SLX9: variants seen among roughly 807,000 people sequenced by gnomAD.
SLX9 encodes ribosome biogenesis protein SLX9 homolog.
A neutral mutation model predicts 20.8 loss-of-function variants in SLX9; 19 were observed. The ratio of observed to expected loss-of-function variants is 0.91; its 90% CI spans 0.64 to 1.34. SLX9 has a LOEUF of 1.34. Ranked by LOEUF, SLX9 falls within the 40% of genes most tolerant of loss-of-function variation. SLX9 has a pLI of 0.00. For missense variants in SLX9, 299 were observed against 322.2 expected (o/e 0.93, Z 0.55); for synonymous variants, 113 against 137.1 (o/e 0.82, Z 1.23).
intron 2 of SLX9, 41 bp from the exon 3 acceptor site, chr21:44,960,059 C>T (rs1170106081): frequency 1.3e-6 from 2 of 1,592,656 alleles, no homozygotes; most frequent in African/African-American, 1.3e-5. Context: ...GGGAGTGCCA[C>T]CTGGACACGT....
At chr21:44,953,642 A>G (rs2084801960) in intron 2 of SLX9, among the ~76,000 whole-genome samples, 1 of 152,100 alleles carries the variant, frequency 6.6e-6, no homozygotes, top group Non-Finnish European at 1.5e-5. Context: ...TCCAGGTGGG[A>G]TGGGGTAGTT....
intron 2 of SLX9, among the ~76,000 whole-genome samples, chr21:44,959,861 G>A (rs147988139): frequency 7.0e-4 from 107 of 152,346 alleles, no homozygotes; most frequent in African/African-American, 2.5e-3. Flanking sequence ...AGGCTGGGGT[G>A]AGTGGCCAGG....
intron 2 of SLX9, among the ~76,000 whole-genome samples, chr21:44,949,973 C>A (rs2084724430): frequency 6.6e-6 from 1 of 152,204 alleles, no homozygotes. Flanking sequence ...TCAGGTCAGC[C>A]CAGGTGTGGG....
chr21:44,939,927 G>A (rs2146596027), upstream of SLX9: 3 of 992,808 alleles, frequency 3.0e-6, no homozygotes, highest in Non-Finnish European at 4.1e-6. Context: ...GCGCCCGCCC[G>A]AGCCGCTTCC....
chr21:44,957,156 G>A (rs894613946), intron 2 of SLX9, among the ~76,000 whole-genome samples: 6 of 152,238 alleles, frequency 3.9e-5, no homozygotes, highest in Admixed American at 6.5e-5. Context: ...GCCGGCCGGC[G>A]TTCCAGGGAC....
intron 2 of SLX9, among the ~76,000 whole-genome samples, chr21:44,957,419 T>G (rs2084878242): frequency 6.6e-6 from 1 of 152,236 alleles, no homozygotes; most frequent in Non-Finnish European, 1.5e-5. Context: ...CCTGGGCTCC[T>G]GAAGACTCAG....
At position 44,976,761 on chromosome 21, in the gene SLX9, G is replaced by A. The variant is rs776139536; in HGVS notation, c.651G>A (p.Thr217=). ...RASPLVAIGQ[T]LARQMQLEDG... Reference sequence around the variant, plus strand: ...GCCCCCTGGTGGCCATCGGGCAGACGCTGGCCCGGCAGATGCAGCTGGAAG... The same window carrying A: ...GCCCCCTGGTGGCCATCGGGCAGACACTGGCCCGGCAGATGCAGCTGGAAG... Residue 217 remains threonine (T), a synonymous_variant, in exon 6 of 6, where the codon ACG becomes ACA. Transcript: ENST00000291634. The A allele has an allele frequency of 5.0e-5, 78 of 1,553,766 alleles. No individual in the cohort carries two copies. Among genetic ancestry groups the A allele is most frequent in the Non-Finnish European group, 6.6e-5 (76 of 1,150,700 alleles).
chr21:44,956,148 T>C (rs913234528), intron 2 of SLX9, among the ~76,000 whole-genome samples: 1 of 152,236 alleles, frequency 6.6e-6, no homozygotes, highest in Non-Finnish European at 1.5e-5. Context: ...GAAAAAGCTA[T>C]GTAGGAAGGA....
intron 2 of SLX9, among the ~76,000 whole-genome samples, chr21:44,955,990 G>A (rs746308222): frequency 2.0e-5 from 3 of 152,242 alleles, no homozygotes; most frequent in South Asian, 2.1e-4. Context: ...GGATATGGAC[G>A]AGGTGTCTGC....
At chr21:44,970,472 G>T (rs928948908) in intron 4 of SLX9, among the ~76,000 whole-genome samples, 2 of 152,166 alleles carry the variant, frequency 1.3e-5, no homozygotes, top group Non-Finnish European at 2.9e-5. Context: ...GACATCTCCT[G>T]CCAGTCCTGC....
chr21:44,961,025 G>C (rs2084941913), intron 3 of SLX9, among the ~76,000 whole-genome samples: 3 of 152,142 alleles, frequency 2.0e-5, no homozygotes, highest in African/African-American at 7.2e-5. Flanking sequence ...AACTTTGTCA[G>C]TTTCTTTTGT....
chr21:44,942,559 G>A (rs1377257697), intron 1 of SLX9, among the ~76,000 whole-genome samples: 1 of 152,174 alleles, frequency 6.6e-6, no homozygotes, highest in Non-Finnish European at 1.5e-5. Context: ...GTAATGTGAA[G>A]GAGGCCATGT....
intron 3 of SLX9, among the ~76,000 whole-genome samples, chr21:44,963,543 G>A (rs1297376452): frequency 2.6e-5 from 4 of 151,864 alleles, no homozygotes; most frequent in Non-Finnish European, 5.9e-5. Context: ...TTTATAGTTT[G>A]AGCTTTCATA....
rs1442247798 is a variant in SLX9, at chr21:44,940,338, C to CG, written c.129+153dup. ...CTACAGACGCGACCTTCTTGCTTCG[C>CG]GAAGCGTCGTAAACTCCGAGGCTCC... On this transcript the variant is annotated intron_variant, in intron 1 of 5. Transcript: ENST00000291634. 8 of 1,130,880 alleles carry CG rather than the reference C, an allele frequency of 7.1e-6. No individual in the cohort carries two copies. In the East Asian group the frequency reaches 2.7e-4, roughly 38 times the overall value. 70.1% of individuals were successfully genotyped at this position (1,130,880 alleles called of 1,614,324 possible).
At chr21:44,958,417 TGTC>T (rs1319385171) in intron 2 of SLX9, 1 of 152,276 alleles carries the variant, frequency 6.6e-6, no homozygotes, top group African/African-American at 2.4e-5. Flanking sequence ...GTGCTGGCCT[TGTC>T]GTAGGTAAGT....
At chr21:44,966,950 C>T in intron 3 of SLX9, 84 bp from the exon 4 acceptor site, 1 of 1,530,526 alleles carries the variant, frequency 6.5e-7, no homozygotes, top group Non-Finnish European at 8.8e-7. Context: ...GGCACCCTGC[C>T]AGGTCTCTCG....
chr21:44,959,187 C>G (rs934397852), intron 2 of SLX9: 37 of 984,952 alleles, frequency 3.8e-5, no homozygotes, highest in Non-Finnish European at 4.3e-5. Flanking sequence ...CTGCCTTTCT[C>G]CAGGCAGGGC....
At chr21:44,959,448 G>A (rs2084914965) in intron 2 of SLX9, among the ~76,000 whole-genome samples, 1 of 152,172 alleles carries the variant, frequency 6.6e-6, no homozygotes, top group Non-Finnish European at 1.5e-5. Context: ...CGGCCCTGCA[G>A]GCTCATCCCA....
chr21:44,951,051 G>T (rs1193036344), intron 2 of SLX9, among the ~76,000 whole-genome samples: 2 of 152,084 alleles, frequency 1.3e-5, no homozygotes, highest in Non-Finnish European at 2.9e-5. Context: ...AGCCTTCATC[G>T]GATTAAAGTC....
Sources: gnomAD v4.1 joint callset for allele counts (sites outside exome capture counted in the v4.1 genomes callset) on GRCh38, gnomAD v4.1.1 for gene constraint, MANE v1.5 for transcripts, NCBI Gene and HGNC (gene_info 2026-07-23, HGNC 2026-07-21) for gene names.